ABCG1: variants seen among roughly 807,000 people sequenced by gnomAD.
ABCG1 encodes ATP binding cassette subfamily G member 1.
In ABCG1, 29 loss-of-function variants were observed where a neutral mutation model predicts 69.2. That is an observed-to-expected ratio of 0.42 (90% CI 0.31 to 0.57). The LOEUF is 0.57. ABCG1 is among the 20% of genes least tolerant of loss of function. The pLI is 0.15. For missense variants in ABCG1, 718 were observed against 898.1 expected (o/e 0.80, Z 2.56); for synonymous variants, 370 against 374.8 (o/e 0.99, Z 0.15).
At chr21:42,234,680 T>TA (rs1361279654) in intron 2 of ABCG1, among the ~76,000 whole-genome samples, 1 of 152,082 alleles carries the variant, frequency 6.6e-6, no homozygotes, top group Non-Finnish European at 1.5e-5. Flanking sequence ...CCATACTGAG[T>TA]AAAAAAGCCC....
At chr21:42,238,207 G>A (rs952434106) in intron 2 of ABCG1, among the ~76,000 whole-genome samples, 15 of 152,152 alleles carry the variant, frequency 9.9e-5, no homozygotes, top group Non-Finnish European at 2.1e-4. Flanking sequence ...GCAACCCTGC[G>A]GTCAGGTTTT....
At chr21:42,233,830 C>T (rs564052290) in intron 2 of ABCG1, among the ~76,000 whole-genome samples, 7 of 152,230 alleles carry the variant, frequency 4.6e-5, no homozygotes, top group African/African-American at 1.4e-4. Flanking sequence ...GGGTGGAACC[C>T]GCTGGAAGGG....
chr21:42,230,427 T>G (rs1341898563), intron 2 of ABCG1, among the ~76,000 whole-genome samples: 1 of 152,238 alleles, frequency 6.6e-6, no homozygotes, highest in Non-Finnish European at 1.5e-5. Flanking sequence ...CAATATCAGC[T>G]TTGGTGCTGT....
At chr21:42,268,404 A>G (rs2068556726) in intron 2 of ABCG1, among the ~76,000 whole-genome samples, 1 of 121,106 alleles carries the variant, frequency 8.3e-6, no homozygotes, top group African/African-American at 3.4e-5. Context: ...CGCGCGCTGG[A>G]TACTCAGGAA....
intron 2 of ABCG1, among the ~76,000 whole-genome samples, chr21:42,204,616 A>T (rs923386463): frequency 6.6e-6 from 1 of 152,140 alleles, no homozygotes; most frequent in Non-Finnish European, 1.5e-5. Flanking sequence ...ATAATTTTTA[A>T]AATATATTCC....
intron 4 of ABCG1, among the ~76,000 whole-genome samples, chr21:42,275,238 A>G (rs971285079): frequency 4.6e-5 from 7 of 152,216 alleles, no homozygotes; most frequent in African/African-American, 1.7e-4. Flanking sequence ...AAACAGAAGC[A>G]GGAACCTGTG....
chr21:42,296,920 G>T lies in ABCG1; in HGVS notation c.*528G>T, dbSNP rs181302076. On this transcript the variant is annotated 3_prime_UTR_variant, in exon 15 of 15. Transcript: ENST00000398449. The surrounding 1 kb of genome is among the most constrained non-coding windows in gnomAD (Gnocchi z 5.4). ...GAGAAGTCATTTTTGCAAGCCAAAA[G>T]TCGATCAATCGCATTCATTTTAAGA... is the stretch of plus-strand genomic sequence containing the variant. The T allele has an allele frequency of 6.1e-6, 1 of 163,194 alleles. No individual in the cohort carries two copies. The highest frequency in any genetic ancestry group is 1.7e-4 in the East Asian group (1 of 6,014). The allele number at this position is 163,194 out of a possible 1,614,324, so 10.1% of individuals were successfully genotyped here. A position where few individuals can be genotyped will look rare whatever the true frequency, so the allele number is the denominator to read the frequency against.
At chr21:42,238,517 G>A (rs2068007556) in intron 2 of ABCG1, among the ~76,000 whole-genome samples, 1 of 152,192 alleles carries the variant, frequency 6.6e-6, no homozygotes, top group Non-Finnish European at 1.5e-5. Flanking sequence ...TACAAGACAG[G>A]TAACAGTCTT....
intron 5 of ABCG1, among the ~76,000 whole-genome samples, chr21:42,278,437 C>T (rs1286655358): frequency 1.3e-5 from 2 of 152,152 alleles, no homozygotes; most frequent in African/African-American, 2.4e-5. Context: ...ATTTGAAGAT[C>T]GGGTCTTTAC....
At chr21:42,213,624 A>T (rs8131563), upstream of ABCG1, among the ~76,000 whole-genome samples, 6 of 152,210 alleles carry the variant, frequency 3.9e-5, no homozygotes, top group Non-Finnish European at 7.3e-5. Context: ...GAGCTGCAGT[A>T]TGGGCTGTGC....
chr21:42,243,904 C>T (rs542991308), intron 2 of ABCG1, among the ~76,000 whole-genome samples: 115 of 149,826 alleles, frequency 7.7e-4, no homozygotes, highest in Admixed American at 1.3e-3. Context: ...CTGCAAGCTC[C>T]GCCTCCCGGG....
intron 2 of ABCG1, among the ~76,000 whole-genome samples, chr21:42,268,390 C>T (rs4919980): frequency 0.23 from 20,548 of 90,366 alleles, 1,918 homozygotes; most frequent in Middle Eastern, 0.43. Flanking sequence ...TGTGTGTGTG[C>T]GCGCGCGCGC....
chr21:42,206,503 G>A (rs1451236163), intron 2 of ABCG1, among the ~76,000 whole-genome samples: 1 of 152,172 alleles, frequency 6.6e-6, no homozygotes, highest in African/African-American at 2.4e-5. Context: ...ACTTGAATGT[G>A]CATTCTTCTG....
At chr21:42,235,129 T>C (rs1236853473) in intron 2 of ABCG1, among the ~76,000 whole-genome samples, 1 of 152,124 alleles carries the variant, frequency 6.6e-6, no homozygotes, top group Non-Finnish European at 1.5e-5. Flanking sequence ...GGAACACCGG[T>C]CCAGGAAGCC....
At chr21:42,222,866 T>G (rs146668414) in intron 1 of ABCG1, among the ~76,000 whole-genome samples, 68 of 152,340 alleles carry the variant, frequency 4.5e-4, no homozygotes, top group African/African-American at 1.4e-3. Context: ...CTCTCTTTCT[T>G]ACTCCCAAAT....
chr21:42,282,318 C>T lies in ABCG1; in HGVS notation c.633C>T (p.Asn211=). Reference sequence around the variant, plus strand: ...CGCTGGGCTTGCTGTCTTGCGCCAACACGCGGACCGGGAGCCTGTCAGGTG... The same window carrying T: ...CGCTGGGCTTGCTGTCTTGCGCCAATACGCGGACCGGGAGCCTGTCAGGTG... ...LTALGLLSCA[N]TRTGSLSGGQ... is the part of the protein sequence containing the mutation. The change falls in exon 6 of 15, where the codon AAC becomes AAT. Residue 211 remains asparagine, a synonymous_variant. Transcript: ENST00000398449. The T allele has an allele frequency of 6.2e-7, 1 of 1,613,308 alleles. No homozygotes were observed. Among genetic ancestry groups the T allele is most frequent in the Non-Finnish European group, 8.5e-7 (1 of 1,180,034 alleles).
In ABCG1 at chr21:42,273,026, C is replaced by G. The variant is rs563333925; in HGVS notation, c.405-277C>G. 1.3e-5 allele frequency among the ~76,000 whole-genome samples: 2 copies of G among 152,368 alleles called. No individual in the cohort carries two copies. The highest frequency in any genetic ancestry group is 4.1e-4 in the South Asian group (2 of 4,830). ...CTTTGTTTGGCAGGTCAAGAAAGTG[C>G]TGCCGTTACCCTTAGTATAAACACA... On this transcript the variant is annotated intron_variant, in intron 3 of 14. Coordinates refer to ENST00000398449, the MANE Select transcript of ABCG1 (RefSeq NM_016818.3). This position sits in a 1 kb window ranked among gnomAD's most constrained non-coding sequence, Gnocchi z 5.3.
intron 2 of ABCG1, among the ~76,000 whole-genome samples, chr21:42,242,331 C>T (rs1300954070): frequency 6.6e-6 from 1 of 152,210 alleles, no homozygotes; most frequent in Non-Finnish European, 1.5e-5. Flanking sequence ...TAGCGAGACG[C>T]TGTCTCTACA....
At chr21:42,248,032 A>T (rs1043575535) in intron 2 of ABCG1, among the ~76,000 whole-genome samples, 2 of 152,204 alleles carry the variant, frequency 1.3e-5, no homozygotes, top group Admixed American at 1.3e-4. Context: ...GGGCAGCCTG[A>T]GGTCACTAAT....
Sources: gnomAD v4.1 joint callset for allele counts (sites outside exome capture counted in the v4.1 genomes callset) on GRCh38, gnomAD v4.1.1 for gene constraint, Gnocchi (gnomAD v3.1) non-coding constraint, MANE v1.5 for transcripts, NCBI Gene and HGNC (gene_info 2026-07-23, HGNC 2026-07-21) for gene names.